Variants in RAD54B observed in about 807,000 individuals in gnomAD.
RAD54B encodes DNA repair and recombination protein RAD54B.
Under a neutral mutation model 95.8 loss-of-function variants are expected in RAD54B, and 78 were observed. The observed-to-expected ratio is 0.81, with a 90% CI of 0.68 to 0.98. The LOEUF (loss-of-function observed/expected upper bound fraction) is 0.98. RAD54B is among the 50% of genes least tolerant of loss of function. RAD54B has a pLI of 0.00. For synonymous variants in RAD54B, 328 were observed against 354.9 expected (o/e 0.92, Z 0.85); for missense variants, 957 against 1,056.6 (o/e 0.91, Z 1.31).
At chr8:94,430,188 G>T in intron 3 of RAD54B, 2 of 606,392 alleles carry the variant, frequency 3.3e-6, no homozygotes, top group Non-Finnish European at 4.1e-6. Context: ...TGGTGCGCCT[G>T]TAGTCCCAGC....
chr8:94,462,844 T>C (rs1293573758), intron 2 of RAD54B, among the ~76,000 whole-genome samples: 2 of 152,156 alleles, frequency 1.3e-5, no homozygotes, highest in Non-Finnish European at 2.9e-5. Flanking sequence ...AGTAAATCTG[T>C]GTTTTTGCCT....
intron 3 of RAD54B, among the ~76,000 whole-genome samples, chr8:94,453,274 A>C (rs1330002783): frequency 6.6e-6 from 1 of 152,206 alleles, no homozygotes; most frequent in Non-Finnish European, 1.5e-5. Flanking sequence ...CACGTCTGTA[A>C]TCCTAGCATT....
rs1298716516 is a variant in RAD54B at position 94,390,147 on chromosome 8, C to T, written c.1809+1462G>A. 2.0e-5 allele frequency among the ~76,000 whole-genome samples: 3 copies of T among 151,658 alleles called. No individual in the cohort carries two copies. In the East Asian group the frequency reaches 5.8e-4, roughly 29 times the overall value. Reference sequence around the variant, plus strand: ...TTGAGCTCAGGAGTTCGAGACCAGCCTGGGCAATAGAGTGAGACCCCATCT... The same window carrying T: ...TTGAGCTCAGGAGTTCGAGACCAGCTTGGGCAATAGAGTGAGACCCCATCT... On this transcript the variant is annotated intron_variant, in intron 10 of 14. Coordinates refer to ENST00000336148, the MANE Select transcript of RAD54B (RefSeq NM_012415.3).
chr8:94,391,563 T>C (rs1811020332), intron 10 of RAD54B, 46 bp downstream of exon 10: 3 of 1,572,074 alleles, frequency 1.9e-6, no homozygotes, highest in Non-Finnish European at 2.6e-6. Flanking sequence ...TCATATACTA[T>C]AGAACCCTCA....
intron 3 of RAD54B, among the ~76,000 whole-genome samples, chr8:94,415,782 A>T (rs200262803): frequency 6.8e-6 from 1 of 147,390 alleles, no homozygotes; most frequent in Non-Finnish European, 1.5e-5. Flanking sequence ...CACCATCACT[A>T]GCCATCAGAG....
At chr8:94,444,535 G>A (rs1812476210) in intron 3 of RAD54B, among the ~76,000 whole-genome samples, 1 of 152,022 alleles carries the variant, frequency 6.6e-6, no homozygotes, top group Non-Finnish European at 1.5e-5. Context: ...AACATCCAAG[G>A]CAAACTAATG....
At chr8:94,381,361 A>T (rs1330367866) in intron 11 of RAD54B, among the ~76,000 whole-genome samples, 1 of 152,250 alleles carries the variant, frequency 6.6e-6, no homozygotes, top group African/African-American at 2.4e-5. Flanking sequence ...GATGATTATT[A>T]GTCAACGAGC....
At chr8:94,459,363 G>C (rs1161706260) in intron 2 of RAD54B, among the ~76,000 whole-genome samples, 2 of 151,722 alleles carry the variant, frequency 1.3e-5, no homozygotes, top group African/African-American at 4.8e-5. Context: ...TGTTGCCCAG[G>C]CTGGTCTGAA....
intron 6 of RAD54B, among the ~76,000 whole-genome samples, chr8:94,402,829 G>C (rs948292065): frequency 2.0e-5 from 3 of 152,186 alleles, no homozygotes; most frequent in Non-Finnish European, 2.9e-5. Context: ...CATTGCAATA[G>C]TCTAGATAAA....
intron 3 of RAD54B, among the ~76,000 whole-genome samples, chr8:94,455,622 G>A (rs1812761186): frequency 6.6e-6 from 1 of 152,144 alleles, no homozygotes; most frequent in East Asian, 1.9e-4. Context: ...GTAACAAACT[G>A]GGTGGCTTTA....
At chr8:94,424,919 GGGCA>G (rs1811904935) in intron 3 of RAD54B, among the ~76,000 whole-genome samples, 1 of 151,582 alleles carries the variant, frequency 6.6e-6, no homozygotes, top group African/African-American at 2.4e-5. Context: ...AATATTAGCT[GGGCA>G]TGGTGGTGCA....
chr8:94,474,737 C>G (rs1405524332), intron 1 of RAD54B, among the ~76,000 whole-genome samples: 1 of 152,132 alleles, frequency 6.6e-6, no homozygotes, highest in African/African-American at 2.4e-5. Context: ...CCAGGGGCCA[C>G]TGCCCAGAAC....
intron 14 of RAD54B, among the ~76,000 whole-genome samples, chr8:94,373,258 C>T (rs1337898895): frequency 6.6e-6 from 1 of 152,184 alleles, no homozygotes; most frequent in African/African-American, 2.4e-5. Context: ...TTAAGTAATG[C>T]ACAGTGAAGC....
intron 3 of RAD54B, among the ~76,000 whole-genome samples, chr8:94,423,552 A>C (rs1811873271): frequency 6.6e-6 from 1 of 152,216 alleles, no homozygotes; most frequent in Non-Finnish European, 1.5e-5. Flanking sequence ...AGTTTTACTG[A>C]GTCAAATTTT....
chr8:94,471,306 A>T (rs1370329070), intron 1 of RAD54B, among the ~76,000 whole-genome samples: 1 of 152,148 alleles, frequency 6.6e-6, no homozygotes, highest in African/African-American at 2.4e-5. Flanking sequence ...TTTAATGACA[A>T]GAGAAATATG....
chr8:94,460,372 G>A (rs1812875191), intron 2 of RAD54B, among the ~76,000 whole-genome samples: 1 of 152,126 alleles, frequency 6.6e-6, no homozygotes, highest in Non-Finnish European at 1.5e-5. Flanking sequence ...TTTGAACACT[G>A]AGGTGGGAGG....
At chr8:94,396,001 C>T (rs1396263358) in intron 8 of RAD54B, among the ~76,000 whole-genome samples, 1 of 151,360 alleles carries the variant, frequency 6.6e-6, no homozygotes, top group African/African-American at 2.4e-5. Context: ...AGGGAAGAGG[C>T]AAGAACAAAA....
chr8:94,387,338 C>A (rs2129974466), intron 10 of RAD54B, 179 bp from the exon 11 acceptor site: 1 of 526,552 alleles, frequency 1.9e-6, no homozygotes, highest in East Asian at 3.2e-5. Flanking sequence ...AGTAACATGC[C>A]TTCTACTGAG....
chr8:94,423,220 A>T (rs1811865631), intron 3 of RAD54B, among the ~76,000 whole-genome samples: 1 of 152,030 alleles, frequency 6.6e-6, no homozygotes, highest in South Asian at 2.1e-4. Flanking sequence ...CATCTCTACT[A>T]AAAATACAAA....
Sources: gnomAD v4.1 joint callset for allele counts (sites outside exome capture counted in the v4.1 genomes callset) on GRCh38, gnomAD v4.1.1 for gene constraint, MANE v1.5 for transcripts, NCBI Gene and HGNC (gene_info 2026-07-23, HGNC 2026-07-21) for gene names.